The following PFKFB3 variants were observed in gnomAD, a reference collection of about 807,000 sequenced individuals.
PFKFB3 encodes 6-phosphofructo-2-kinase/fructose-2,6-bisphosphatase 3.
In PFKFB3, 33 loss-of-function variants were observed where a neutral mutation model predicts 68.0. The observed-to-expected ratio is 0.49, with a 90% CI of 0.37 to 0.65. The LOEUF is 0.65. PFKFB3 is among the 30% of genes least tolerant of loss of function. The probability of loss-of-function intolerance (pLI) is 0.00; values close to 1 mark genes in which losing one functional copy is unlikely to be tolerated. For synonymous variants in PFKFB3, 315 were observed against 288.2 expected (o/e 1.09, Z -0.94); for missense variants, 586 against 712.2 (o/e 0.82, Z 2.02).
At chr10:6,221,174 C>T (rs370071663) in intron 8 of PFKFB3, among the ~76,000 whole-genome samples, 129 of 152,012 alleles carry the variant, frequency 8.5e-4, no homozygotes, top group African/African-American at 3.1e-3. Flanking sequence ...GATGTGTGCG[C>T]GGTTGTGCAC....
chr10:6,217,221 C>A, intron 6 of PFKFB3, 30 bp downstream of exon 6: 1 of 1,598,660 alleles, frequency 6.3e-7, no homozygotes. Flanking sequence ...CGTGCTTCTG[C>A]GGCAGCGTAG....
At chr10:6,186,300 T>A (rs1842867879) in intron 1 of PFKFB3, among the ~76,000 whole-genome samples, 1 of 152,114 alleles carries the variant, frequency 6.6e-6, no homozygotes, top group Admixed American at 6.5e-5. Context: ...CACGACCACA[T>A]CCTGTGGCAT....
rs565058212 is a variant in PFKFB3 at position 6,203,027 on chromosome 10, C to G, written c.-234C>G. On this transcript the variant is annotated 5_prime_UTR_variant, in exon 1 of 15. Transcript: ENST00000379775. ...CCCAGAGCTTTCCGAGCGGACGAGC[C>G]GGCCGTGCCGGGCATCCCCAGCCTC... 7.3e-6 allele frequency: 10 copies of G among 1,373,558 alleles called. No homozygotes were observed. The highest frequency in any genetic ancestry group is 2.7e-4 in the Middle Eastern group (1 of 3,688). 85.1% of individuals were successfully genotyped at this position (1,373,558 alleles called of 1,614,324 possible).
chr10:6,211,682 C>G (rs781186878), intron 1 of PFKFB3, among the ~76,000 whole-genome samples: 1 of 152,186 alleles, frequency 6.6e-6, no homozygotes, highest in South Asian at 2.1e-4. Flanking sequence ...TCAGGATGCC[C>G]GGCTCACCCT....
the PFKFB3 span, among the ~76,000 whole-genome samples, chr10:6,318,700 G>T: frequency 6.6e-6 from 1 of 152,214 alleles, no homozygotes; most frequent in African/African-American, 2.4e-5. Flanking sequence ...CAGATCAAGG[G>T]CCTAAAGGGA....
the PFKFB3 span, among the ~76,000 whole-genome samples, chr10:6,308,172 C>G: frequency 6.6e-6 from 1 of 152,222 alleles, no homozygotes; most frequent in Non-Finnish European, 1.5e-5. Context: ...TTGGAAGCCA[C>G]TGACTTCAAA....
At chr10:6,158,056 C>G (rs145957477) in intron 1 of PFKFB3, among the ~76,000 whole-genome samples, 19 of 151,150 alleles carry the variant, frequency 1.3e-4, no homozygotes, top group Admixed American at 2.6e-4. Context: ...GAAGTCGAGA[C>G]GGGTGGATCA....
At chr10:6,191,693 C>T (rs1415813001) in intron 1 of PFKFB3, among the ~76,000 whole-genome samples, 5 of 152,200 alleles carry the variant, frequency 3.3e-5, no homozygotes, top group Non-Finnish European at 1.5e-5. Context: ...GATCTGGCTG[C>T]TGCATTTGCC....
chr10:6,270,204 A>G, the PFKFB3 span, among the ~76,000 whole-genome samples: 5 of 152,186 alleles, frequency 3.3e-5, no homozygotes, highest in Admixed American at 3.3e-4. Flanking sequence ...AAGACTCAGG[A>G]ACATGGGACA....
At chr10:6,186,425 A>G (rs1295032549) in intron 1 of PFKFB3, among the ~76,000 whole-genome samples, 5 of 152,220 alleles carry the variant, frequency 3.3e-5, no homozygotes, top group Admixed American at 6.5e-5. Flanking sequence ...ATCAAGGTTC[A>G]TTCAGCTGAG....
At chr10:6,315,017 C>G in the PFKFB3 span, among the ~76,000 whole-genome samples, 2 of 152,204 alleles carry the variant, frequency 1.3e-5, no homozygotes, top group Non-Finnish European at 2.9e-5. Flanking sequence ...ACATTGCTCA[C>G]TCTGTGGTTA....
At chr10:6,225,821 T>C (rs1845311397) in intron 13 of PFKFB3, among the ~76,000 whole-genome samples, 1 of 152,022 alleles carries the variant, frequency 6.6e-6, no homozygotes, top group Admixed American at 6.5e-5. Flanking sequence ...AGGCCCAGCC[T>C]CTCCCTCCTA....
intron 14 of PFKFB3, 32 bp from the exon 15 acceptor site, chr10:6,232,863 C>G: frequency 6.3e-7 from 1 of 1,592,876 alleles, no homozygotes; most frequent in Non-Finnish European, 8.6e-7. Flanking sequence ...AATCCTAACT[C>G]CCTCCCCACC....
chr10:6,163,207 A>G lies in PFKFB3; in HGVS notation c.16+18194A>G, dbSNP rs964540432. 4.6e-5 allele frequency among the ~76,000 whole-genome samples: 7 copies of G among 152,270 alleles called. No individual in the cohort carries two copies. The South Asian group carries it at 1.4e-3, about 32-fold the overall frequency. ...CCGAGTTGAGGGAGATCAGACATTCAATGCAGAGGTGGGGGCCAAGACCAA... is the reference window on the plus strand; with the variant it reads ...CCGAGTTGAGGGAGATCAGACATTCGATGCAGAGGTGGGGGCCAAGACCAA... On this transcript the variant is annotated intron_variant, in intron 1 of 14. Coordinates refer to the PFKFB3 transcript ENST00000379789.
chr10:6,232,787 T>G lies in PFKFB3; in HGVS notation c.1516-108T>G, dbSNP rs1845825366. 2.2e-5 allele frequency: 19 copies of G among 858,072 alleles called. No individual in the cohort carries two copies. In the South Asian group the frequency reaches 2.7e-4, roughly 12 times the overall value. 53.2% of individuals were successfully genotyped at this position (858,072 alleles called of 1,614,324 possible). A position where few individuals can be genotyped will look rare whatever the true frequency, so the allele number is the denominator to read the frequency against. On this transcript the variant is annotated intron_variant, in intron 14 of 14. Transcript: ENST00000379775. Reference sequence around the variant, plus strand: ...CTTGGATCATGTTCTTTGTCTGGGATGGAGGGAGGGAAGAATTCTCCGTTG... The same window carrying G: ...CTTGGATCATGTTCTTTGTCTGGGAGGGAGGGAGGGAAGAATTCTCCGTTG...
At chr10:6,322,144 C>A in the PFKFB3 span, among the ~76,000 whole-genome samples, 2 of 152,178 alleles carry the variant, frequency 1.3e-5, no homozygotes, top group African/African-American at 4.8e-5. Context: ...AATTTCAAAT[C>A]TCCCTTTCTG....
chr10:6,176,369 C>T lies in PFKFB3; in HGVS notation c.16+31356C>T, dbSNP rs574531906. On this transcript the variant is annotated intron_variant, in intron 1 of 14. Transcript: ENST00000379789. ...AGGCATGCTTTCCTGTGAGGATCGT[C>T]GAGCTGTGCATTCTGAATGTATTCT... Among the ~76,000 whole-genome samples the T allele has an allele frequency of 4.6e-5, 7 of 152,242 alleles. No individual in the cohort carries two copies. In the East Asian group the frequency reaches 9.7e-4, roughly 21 times the overall value.
the PFKFB3 span, among the ~76,000 whole-genome samples, chr10:6,262,236 C>T: frequency 2.6e-4 from 40 of 151,600 alleles, no homozygotes; most frequent in East Asian, 3.7e-3. Context: ...GGGCGGATCA[C>T]GAGGTCAGGA....
intron 1 of PFKFB3, among the ~76,000 whole-genome samples, chr10:6,162,200 G>A (rs1294653491): frequency 6.6e-6 from 1 of 152,192 alleles, no homozygotes; most frequent in African/African-American, 2.4e-5. Context: ...CATCCACGTT[G>A]TAGCATGGGT....
Sources: allele counts gnomAD v4.1 joint callset (sites outside exome capture counted in the v4.1 genomes callset), GRCh38; gene constraint gnomAD v4.1.1; transcripts MANE v1.5; gene names NCBI Gene and HGNC (gene_info 2026-07-23, HGNC 2026-07-21).